The following RAI14 variants were observed in gnomAD, a reference collection of about 807,000 sequenced individuals.
RAI14 encodes ankycorbin.
RAI14 carries 45 observed loss-of-function variants against 115.4 expected under a neutral mutation model. That is an observed-to-expected ratio of 0.39 (90% CI 0.31 to 0.50). RAI14 has a LOEUF of 0.50. Ranked by LOEUF, RAI14 falls within the 20% of genes least tolerant of loss-of-function variation. RAI14 has a pLI of 0.85. For missense variants in RAI14, 939 were observed against 1,131.2 expected (o/e 0.83, Z 2.44); for synonymous variants, 371 against 415.4 (o/e 0.89, Z 1.30).
At chr5:34,659,940 G>A (rs1742565594) in intron 1 of RAI14, among the ~76,000 whole-genome samples, 1 of 152,180 alleles carries the variant, frequency 6.6e-6, no homozygotes, top group African/African-American at 2.4e-5. Context: ...CACTTTGGGA[G>A]GCCAAGGCAG....
intron 2 of RAI14, among the ~76,000 whole-genome samples, chr5:34,746,807 C>T (rs1027166161): frequency 2.0e-5 from 3 of 152,124 alleles, no homozygotes; most frequent in Non-Finnish European, 4.4e-5. Flanking sequence ...ACCCAAATCT[C>T]AACTTGAATT....
At chr5:34,723,454 C>T (rs1052843982) in intron 2 of RAI14, among the ~76,000 whole-genome samples, 1 of 152,144 alleles carries the variant, frequency 6.6e-6, no homozygotes, top group African/African-American at 2.4e-5. Flanking sequence ...TTCAACTATT[C>T]GGATGAAGCC....
chr5:34,725,726 G>A (rs1183538509), intron 2 of RAI14, among the ~76,000 whole-genome samples: 2 of 152,006 alleles, frequency 1.3e-5, no homozygotes, highest in Non-Finnish European at 2.9e-5. Context: ...AGCACTTTGG[G>A]AGGCTGAGGT....
intron 3 of RAI14, among the ~76,000 whole-genome samples, chr5:34,762,768 T>C (rs1019826531): frequency 6.6e-6 from 1 of 152,186 alleles, no homozygotes; most frequent in Non-Finnish European, 1.5e-5. Flanking sequence ...TAGAAGAGTC[T>C]AATTGTTTCA....
chr5:34,662,107 A>T (rs1413207510), intron 1 of RAI14, among the ~76,000 whole-genome samples: 1 of 152,182 alleles, frequency 6.6e-6, no homozygotes, highest in Non-Finnish European at 1.5e-5. Flanking sequence ...GTTTCTAAGA[A>T]CAAACAGTGT....
intron 2 of RAI14, among the ~76,000 whole-genome samples, chr5:34,722,449 G>A (rs761581386): frequency 6.6e-6 from 1 of 151,876 alleles, no homozygotes; most frequent in Non-Finnish European, 1.5e-5. Context: ...CCTCCAGTCT[G>A]TGGGATTTTG....
In RAI14 at chr5:34,769,955, C is replaced by G. The variant is rs557341019; in HGVS notation, c.167+12357C>G. On this transcript the variant is annotated intron_variant, in intron 3 of 17. Transcript: ENST00000265109. ...TGTTGGCCAGGCTGGTCTTAAACTC[C>G]TCACCTCAAGTGATCCACCTGCCTT... is the stretch of plus-strand genomic sequence containing the variant. 9.8e-5 allele frequency among the ~76,000 whole-genome samples: 15 copies of G among 152,306 alleles called. No homozygotes were observed. In the South Asian group the frequency reaches 2.5e-3, roughly 25 times the overall value.
intron 1 of RAI14, among the ~76,000 whole-genome samples, chr5:34,657,445 C>G (rs963104457): frequency 6.6e-6 from 1 of 152,176 alleles, no homozygotes; most frequent in African/African-American, 2.4e-5. Context: ...TGGAGGGGTC[C>G]GAAGTGGCCT....
chr5:34,790,745 G>GGTGT (rs964604251), intron 3 of RAI14, among the ~76,000 whole-genome samples: 1 of 142,270 alleles, frequency 7.0e-6, no homozygotes, highest in South Asian at 2.2e-4. Flanking sequence ...TGTGTATATG[G>GGTGT]GTGTGTGTGT....
At chr5:34,703,058 A>G (rs937932706) in intron 2 of RAI14, among the ~76,000 whole-genome samples, 1 of 152,236 alleles carries the variant, frequency 6.6e-6, no homozygotes, top group African/African-American at 2.4e-5. Context: ...ATTAATGAGA[A>G]ACAAAGTGTA....
At chr5:34,701,298 T>C (rs555569745) in intron 2 of RAI14, among the ~76,000 whole-genome samples, 1 of 152,314 alleles carries the variant, frequency 6.6e-6, no homozygotes, top group East Asian at 1.9e-4. Context: ...TATTTTGAAA[T>C]GGCCCTGCAA....
At chr5:34,670,882 G>A (rs1459646185) in intron 1 of RAI14, among the ~76,000 whole-genome samples, 3 of 152,192 alleles carry the variant, frequency 2.0e-5, no homozygotes, top group African/African-American at 2.4e-5. Context: ...GAGTAGTAAC[G>A]TCTTGGTTAA....
chr5:34,687,542 T>A, intron 2 of RAI14: 1 of 1,414,152 alleles, frequency 7.1e-7, no homozygotes, highest in Non-Finnish European at 9.2e-7. Context: ...TGAAATAAAG[T>A]CTCCCCCAGG....
At chr5:34,711,932 A>T (rs372191317) in intron 2 of RAI14, among the ~76,000 whole-genome samples, 2 of 151,348 alleles carry the variant, frequency 1.3e-5, no homozygotes, top group African/African-American at 2.4e-5. Context: ...CTTTTATTCT[A>T]TTTTTTTTAT....
chr5:34,686,780 C>A, intron 1 of RAI14, 92 bp from the exon 2 acceptor site: 1 of 705,698 alleles, frequency 1.4e-6, no homozygotes, highest in Non-Finnish European at 2.3e-6. Flanking sequence ...CGCAACCCTG[C>A]TCTGTCTCCT....
At chr5:34,757,893 G>T in intron 3 of RAI14, 1 of 202,202 alleles carries the variant, frequency 4.9e-6, no homozygotes, top group Non-Finnish European at 1.0e-5. Context: ...TAGCATAAAA[G>T]AGAAAAAAGT....
Position 34,808,553 on chromosome 5 carries a change from G to A in RAI14, c.380-31G>A, listed in dbSNP as rs759516202. The A allele has an allele frequency of 5.0e-6, 8 of 1,597,796 alleles. No homozygotes were observed. The Admixed American group carries it at 1.2e-4, about 23-fold the overall frequency. On this transcript the variant is annotated intron_variant, in intron 6 of 17. Coordinates refer to ENST00000265109, the MANE Select transcript of RAI14 (RefSeq NM_015577.3). ...CCTGGTTGTGAATAACTGTGTGATTGGCTGTGGTATTTATATTTTCCTTCC... is the reference window on the plus strand; with the variant it reads ...CCTGGTTGTGAATAACTGTGTGATTAGCTGTGGTATTTATATTTTCCTTCC...
intron 1 of RAI14, among the ~76,000 whole-genome samples, chr5:34,663,207 T>C (rs1203315409): frequency 6.6e-6 from 1 of 152,176 alleles, no homozygotes; most frequent in Non-Finnish European, 1.5e-5. Context: ...TCAGCAAATC[T>C]AATCAGTATT....
At chr5:34,763,734 C>T (rs1748983548) in intron 3 of RAI14, among the ~76,000 whole-genome samples, 1 of 152,092 alleles carries the variant, frequency 6.6e-6, no homozygotes, top group African/African-American at 2.4e-5. Flanking sequence ...ATGCTTCCTG[C>T]CTGAAGTGTG....
Sources: allele counts gnomAD v4.1 joint callset (sites outside exome capture counted in the v4.1 genomes callset), GRCh38; gene constraint gnomAD v4.1.1; transcripts MANE v1.5; gene names NCBI Gene and HGNC (gene_info 2026-07-23, HGNC 2026-07-21).